VSIG4: variants seen among roughly 807,000 people sequenced by gnomAD.
The protein encoded by VSIG4 is V-set and immunoglobulin domain-containing protein 4.
VSIG4 carries 34 observed loss-of-function variants against 23.4 expected under a neutral mutation model. That is an observed-to-expected ratio of 1.45 (90% confidence interval 1.10 to 1.93). The LOEUF is 1.93. Among genes scored for constraint, VSIG4 ranks in the 30% most tolerant of loss-of-function variants. The pLI is 0.00. For synonymous variants in VSIG4, 169 were observed against 120.3 expected, an observed-to-expected ratio of 1.41 and a Z score of -2.65; for missense variants, 433 against 310.8, an observed-to-expected ratio of 1.39 and a Z score of -2.96.
intron 3 of VSIG4, among the ~76,000 whole-genome samples, chrX:66,028,667 G>T (rs1401823988): frequency 3.8e-5 from 4 of 104,649 alleles, no homozygotes; most frequent in Non-Finnish European, 5.8e-5. Context: ...GGTAAGAACA[G>T]CAAGCTTTGT....
intron 3 of VSIG4, among the ~76,000 whole-genome samples, chrX:66,029,008 G>A (rs2085431806): frequency 8.9e-6 from 1 of 111,853 alleles, no homozygotes; most frequent in African/African-American, 3.3e-5. Context: ...ATTTTGAAGA[G>A]TTCTGACACA....
intron 1 of VSIG4, among the ~76,000 whole-genome samples, chrX:66,037,692 T>C (rs1241395835): frequency 1.2e-5 from 1 of 83,097 alleles, no homozygotes; most frequent in East Asian, 3.2e-4. Flanking sequence ...AACATTATAT[T>C]ATATTATACT....
chrX:66,022,753 C>T, intron 7 of VSIG4, 88 bp downstream of exon 7: 2 of 1,205,419 alleles, frequency 1.7e-6, no homozygotes, highest in East Asian at 3.0e-5. Flanking sequence ...GGGTCTGTGC[C>T]ACACCCCCCT....
intron 2 of VSIG4, 117 bp from the exon 3 acceptor site, chrX:66,032,866 G>A (rs2085482417): frequency 1.3e-6 from 1 of 788,045 alleles, no homozygotes; most frequent in African/African-American, 2.1e-5. Context: ...GGAACTAAAG[G>A]GGGCTTCTGA....
chrX:66,039,467 C>G (rs1396202589), intron 1 of VSIG4, among the ~76,000 whole-genome samples: 1 of 111,849 alleles, frequency 8.9e-6, no homozygotes, highest in African/African-American at 3.3e-5. Context: ...CTGGATGTTT[C>G]TGAGCACTTA....
intron 3 of VSIG4, among the ~76,000 whole-genome samples, chrX:66,029,160 G>T (rs761084563): frequency 2.7e-5 from 3 of 111,418 alleles, no homozygotes; most frequent in Non-Finnish European, 3.8e-5. Context: ...CATATTAGTA[G>T]ATAAGTCTGG....
chrX:66,022,712 C>T lies in VSIG4; in HGVS notation c.962+129G>A, dbSNP rs182374510. 8.8e-3 allele frequency: 10,273 copies of T among 1,166,839 alleles called. 43 individuals are homozygous for T. The highest frequency in any genetic ancestry group is 0.01 in the Non-Finnish European group (8,986 of 875,543). On this transcript the variant is annotated intron_variant, in intron 7 of 7. Coordinates refer to ENST00000374737, the MANE Select transcript of VSIG4 (RefSeq NM_007268.3). ...CCTGAGAGAGGGAAGGCAGCTATGTCCTGACCCTGAAGGCCTCCGGCCTTA... is the reference window on the plus strand; with the variant it reads ...CCTGAGAGAGGGAAGGCAGCTATGTTCTGACCCTGAAGGCCTCCGGCCTTA...
chrX:66,023,852 G>A (rs1388051404), intron 6 of VSIG4, among the ~76,000 whole-genome samples: 1 of 112,164 alleles, frequency 8.9e-6, no homozygotes, highest in Non-Finnish European at 1.9e-5. Context: ...GCCATGGAAG[G>A]TTTTTGAGAG....
intron 3 of VSIG4, among the ~76,000 whole-genome samples, chrX:66,030,814 A>G (rs933586525): frequency 5.4e-5 from 6 of 111,670 alleles, no homozygotes; most frequent in African/African-American, 2.0e-4. Flanking sequence ...AGTGGAGTCA[A>G]TTCATATCTG....
chrX:66,036,475 C>A (rs1418903446), intron 1 of VSIG4, among the ~76,000 whole-genome samples: 2 of 102,811 alleles, frequency 1.9e-5, no homozygotes, highest in Admixed American at 1.2e-4. Flanking sequence ...TAACACTGAT[C>A]TAAGCGCAAG....
intron 6 of VSIG4, among the ~76,000 whole-genome samples, chrX:66,023,645 A>G (rs2085358253): frequency 1.8e-5 from 2 of 112,199 alleles, no homozygotes; most frequent in African/African-American, 3.2e-5. Context: ...CTGTCACACA[A>G]TAGGTGCTCA....
chrX:66,023,484 C>A (rs181772221), intron 6 of VSIG4, among the ~76,000 whole-genome samples: 1 of 112,219 alleles, frequency 8.9e-6, no homozygotes, highest in Non-Finnish European at 1.9e-5. Context: ...ACTGGAAATG[C>A]AAGCATTAAA....
chrX:66,030,776 C>A (rs1471166605), intron 3 of VSIG4, among the ~76,000 whole-genome samples: 1 of 111,530 alleles, frequency 9.0e-6, no homozygotes, highest in African/African-American at 3.3e-5. Flanking sequence ...TGGGGTCAGG[C>A]AGTACATATC....
intron 1 of VSIG4, among the ~76,000 whole-genome samples, chrX:66,037,305 A>T (rs1424393539): frequency 1.8e-4 from 3 of 16,481 alleles, no homozygotes; most frequent in Non-Finnish European, 2.8e-4. Flanking sequence ...TTATATAATA[A>T]TATAATATAT....
chrX:66,037,808 A>G (rs1348563589), intron 1 of VSIG4, among the ~76,000 whole-genome samples: 1 of 105,880 alleles, frequency 9.4e-6, no homozygotes, highest in East Asian at 2.9e-4. Flanking sequence ...TGATAAGTAT[A>G]TATACAGTAT....
At chrX:66,034,825 A>G (rs986840082) in intron 1 of VSIG4, among the ~76,000 whole-genome samples, 1 of 108,979 alleles carries the variant, frequency 9.2e-6, no homozygotes, top group African/African-American at 3.3e-5. Context: ...TCCCATCAGA[A>G]TTTTCCATCC....
chrX:66,033,779 T>C lies in VSIG4; in HGVS notation c.107A>G (p.Asp36Gly). Reference protein sequence around the residue: ...PESVTGPWKGDVNLPCTYDPL... With the variant: ...PESVTGPWKGGVNLPCTYDPL... ...GTCATAGGTGCAGGGAAGATTCACA[T>C]CCCCTTTCCAAGGTCCTGTTACACT... Residue 36 changes from aspartate (D) to glycine (G), a missense_variant, in exon 2 of 8, where the codon GAT (aspartate) becomes GGT (glycine). Asp to Gly is a moderately conservative substitution (Grantham distance 94). Coordinates refer to ENST00000374737, the MANE Select transcript of VSIG4 (RefSeq NM_007268.3). 1.7e-6 allele frequency: 2 copies of C among 1,210,566 alleles called. No homozygotes were observed. The highest frequency in any genetic ancestry group is 1.1e-6 in the Non-Finnish European group (1 of 895,108).
intron 1 of VSIG4, among the ~76,000 whole-genome samples, chrX:66,039,653 T>A (rs368632194): frequency 8.9e-6 from 1 of 112,095 alleles, no homozygotes; most frequent in African/African-American, 3.2e-5. Context: ...GATTCGGATG[T>A]CATTGGGAAC....
At chrX:66,034,104 T>C (rs1037268216) in intron 1 of VSIG4, among the ~76,000 whole-genome samples, 20 of 112,020 alleles carry the variant, frequency 1.8e-4, no homozygotes, top group African/African-American at 6.5e-4. Flanking sequence ...CCTAGGTAAG[T>C]CACCTTCTTA....
Sources: gnomAD v4.1 joint callset for allele counts (sites outside exome capture counted in the v4.1 genomes callset) on GRCh38, gnomAD v4.1.1 for gene constraint, MANE v1.5 for transcripts, NCBI Gene and HGNC (gene_info 2026-07-23, HGNC 2026-07-21) for gene names.